Variants in MAP3K13 observed in about 807,000 individuals in gnomAD.
MAP3K13 encodes the protein leucine zipper-bearing kinase.
In MAP3K13, 52 loss-of-function variants were observed where a neutral mutation model predicts 104.0. The observed-to-expected ratio is 0.50, with a 90% CI of 0.40 to 0.63. The LOEUF is 0.63. Ranked by LOEUF, MAP3K13 falls within the 20% of genes least tolerant of loss-of-function variation. The pLI is 0.00. For synonymous variants in MAP3K13, 394 were observed against 442.2 expected (o/e 0.89, Z 1.37); for missense variants, 914 against 1,218.5 (o/e 0.75, Z 3.72).
intron 1 of MAP3K13, 77 bp downstream of exon 1, chr3:185,363,445 G>A (rs1192783264): frequency 2.6e-6 from 2 of 780,994 alleles, no homozygotes; most frequent in Non-Finnish European, 3.1e-6. Flanking sequence ...GTGATTTGAG[G>A]TGATTAGAAA....
At chr3:185,478,700 C>T (rs147386235) in intron 12 of MAP3K13, among the ~76,000 whole-genome samples, 134 of 151,872 alleles carry the variant, frequency 8.8e-4, no homozygotes, top group African/African-American at 3.1e-3. Context: ...GGCGAAACCC[C>T]GTCTCTACTA....
chr3:185,416,746 T>C (rs1275040599), intron 1 of MAP3K13, among the ~76,000 whole-genome samples: 1 of 151,850 alleles, frequency 6.6e-6, no homozygotes, highest in Non-Finnish European at 1.5e-5. Context: ...CTCAGCCTAG[T>C]AAGTAGTTGG....
chr3:185,353,891 C>G (rs1455449583), intron 2 of MAP3K13, among the ~76,000 whole-genome samples: 3 of 152,010 alleles, frequency 2.0e-5, no homozygotes, highest in African/African-American at 7.2e-5. Context: ...ATAACCACAC[C>G]CCGCCCCCGC....
At chr3:185,401,497 T>C (rs1229418573) in intron 1 of MAP3K13, among the ~76,000 whole-genome samples, 1 of 152,184 alleles carries the variant, frequency 6.6e-6, no homozygotes, top group Non-Finnish European at 1.5e-5. Flanking sequence ...GGGAGCTTCA[T>C]GGATCAGCCC....
intron 2 of MAP3K13, among the ~76,000 whole-genome samples, chr3:185,312,474 G>A (rs140799417): frequency 6.6e-6 from 1 of 152,318 alleles, no homozygotes; most frequent in Non-Finnish European, 1.5e-5. Context: ...TGTTTTGAGG[G>A]GCAGGAAGGA....
chr3:185,417,707 C>G (rs1713862775), intron 1 of MAP3K13: 6 of 1,612,710 alleles, frequency 3.7e-6, no homozygotes, highest in Non-Finnish European at 5.1e-6. Context: ...AGTGCTGCTG[C>G]TGCAGCAGCT....
Position 185,428,790 on chromosome 3 carries a change from C to G in MAP3K13, c.209C>G (p.Thr70Arg). ...VHSPVTTTVL[T>R]SVSEDSRDQF... ...AGCCCCGTCACCACAACAGTGTTGACGAGCGTAAGTGAGGATTCCAGGGAC... is the reference window on the plus strand; with the variant it reads ...AGCCCCGTCACCACAACAGTGTTGAGGAGCGTAAGTGAGGATTCCAGGGAC... Residue 70 changes from threonine to arginine, a missense_variant, in exon 2 of 14, where the codon ACG becomes AGG. Transcript: ENST00000265026. The G allele has an allele frequency of 6.2e-7, 1 of 1,614,092 alleles. No homozygotes were observed. The highest frequency in any genetic ancestry group is 2.2e-5 in the East Asian group (1 of 44,880).
At chr3:185,395,680 C>A (rs1712367134) in intron 1 of MAP3K13, among the ~76,000 whole-genome samples, 1 of 130,002 alleles carries the variant, frequency 7.7e-6, no homozygotes, top group Admixed American at 8.2e-5. Context: ...TCTAATTCAT[C>A]TTTTATTTTT....
intron 3 of MAP3K13, among the ~76,000 whole-genome samples, chr3:185,440,101 A>G (rs1715244552): frequency 6.6e-6 from 1 of 152,248 alleles, no homozygotes; most frequent in Non-Finnish European, 1.5e-5. Context: ...AAGGGGAAGT[A>G]CAAGATAAGA....
rs1210990615 is a variant in MAP3K13 at position 185,443,467 on chromosome 3, T to C, written c.682T>C (p.Cys228Arg). 14 of 1,613,570 alleles carry C rather than the reference T, an allele frequency of 8.7e-6. No individual in the cohort carries two copies. Among genetic ancestry groups the C allele is most frequent in the East Asian group, 2.2e-5 (1 of 44,876 alleles). Residue 228 changes from cysteine (C) to arginine (R), a missense_variant, in exon 4 of 14, where the codon TGT becomes CGT. By Grantham distance (180) the Cys-to-Arg change is radical. This residue lies in a region of MAP3K13 where 175 missense variants were observed against 321.3 expected (regional missense o/e 0.54). Transcript: ENST00000265026. Reference sequence around the variant, plus strand: ...AAGGGGTGTTTGTACTCAGGCCCCATGTTATTGTATTATCATGGAATACTG... The same window carrying C: ...AAGGGGTGTTTGTACTCAGGCCCCACGTTATTGTATTATCATGGAATACTG... ...AFKGVCTQAPCYCIIMEYCAH... is the reference protein window; with the variant it reads ...AFKGVCTQAPRYCIIMEYCAH...
intron 1 of MAP3K13, among the ~76,000 whole-genome samples, chr3:185,404,521 C>T (rs1412647253): frequency 2.0e-5 from 3 of 152,134 alleles, no homozygotes; most frequent in Admixed American, 6.5e-5. Flanking sequence ...GGCAATCAGA[C>T]CAGCTTCATG....
chr3:185,463,406 C>G, intron 7 of MAP3K13, 144 bp from the exon 8 acceptor site: 1 of 547,452 alleles, frequency 1.8e-6, no homozygotes, highest in Non-Finnish European at 3.4e-6. Flanking sequence ...TGCTATTAAT[C>G]AAATCATATT....
intron 7 of MAP3K13, among the ~76,000 whole-genome samples, chr3:185,456,246 C>T (rs1716737169): frequency 6.6e-6 from 1 of 152,060 alleles, no homozygotes; most frequent in Non-Finnish European, 1.5e-5. Flanking sequence ...ACTTAGATCT[C>T]CCCACAACTG....
At position 185,473,041 on chromosome 3, in the gene MAP3K13, C is replaced by T. The variant is rs201479863; in HGVS notation, c.1710C>T (p.Ser570=). The change falls in exon 11 of 14, where the codon TCC becomes TCT. Residue 570 remains serine, a synonymous_variant. Transcript: ENST00000265026. This position sits in a 1 kb window ranked among gnomAD's most constrained non-coding sequence, Gnocchi z 4.9. ...TGGCTCCCACTGCATCCCCTTTGTC[C>T]GGAAGTCCCAAAATGTCCACTTCTA... The part of the protein sequence containing the change: ...TEVAPTASPL[S]GSPKMSTSSS... 38 of 1,614,152 alleles carry T rather than the reference C, an allele frequency of 2.4e-5. No homozygotes were observed. The highest frequency in any genetic ancestry group is 6.7e-5 in the East Asian group (3 of 44,882).
At chr3:185,291,938 A>G (rs547655458) in intron 2 of MAP3K13, 13 of 1,130,794 alleles carry the variant, frequency 1.1e-5, no homozygotes, top group Middle Eastern at 3.7e-4. Flanking sequence ...TTCTGTGGCC[A>G]TAAGTTTTCA....
intron 2 of MAP3K13, among the ~76,000 whole-genome samples, chr3:185,326,392 C>T (rs1401787979): frequency 1.3e-5 from 2 of 152,130 alleles, no homozygotes; most frequent in Non-Finnish European, 2.9e-5. Flanking sequence ...TCCAGGGCAC[C>T]TCTGCCCTGG....
chr3:185,389,079 TAAAA>T (rs1711880900), intron 1 of MAP3K13, among the ~76,000 whole-genome samples: 1 of 152,066 alleles, frequency 6.6e-6, no homozygotes, highest in Non-Finnish European at 1.5e-5. Context: ...TTAAACAAAA[TAAAA>T]GTTGCTCTAA....
Position 185,446,258 on chromosome 3 carries a change from AT to A in MAP3K13, c.852-1516del, listed in dbSNP as rs72309263. 7.6e-3 allele frequency among the ~76,000 whole-genome samples: 1,074 copies of A among 140,778 alleles called. 3 individuals carry two copies. Among genetic ancestry groups the A allele is most frequent in the African/African-American group, 0.015 (589 of 38,626 alleles). The allele number at this position is 140,778 out of a possible 152,430, so 92.4% of individuals were successfully genotyped here. A position where few individuals can be genotyped will look rare whatever the true frequency, so the allele number is the denominator to read the frequency against. On this transcript the variant is annotated intron_variant, in intron 4 of 13. Coordinates refer to ENST00000265026, the MANE Select transcript of MAP3K13 (RefSeq NM_004721.5). The stretch of plus-strand genomic sequence containing the variant: ...CTATTTGAGGATGAAGCCTCTTATC[AT>A]TTTTTTTTTTTTTTGAGATGGGGTC...
intron 1 of MAP3K13, among the ~76,000 whole-genome samples, chr3:185,390,017 T>C (rs1448692456): frequency 6.6e-6 from 1 of 152,176 alleles, no homozygotes; most frequent in Non-Finnish European, 1.5e-5. Context: ...TCTGTTGTGA[T>C]ATCAAATGGT....
Sources: allele counts gnomAD v4.1 joint callset (sites outside exome capture counted in the v4.1 genomes callset), GRCh38; gene constraint gnomAD v4.1.1; regional missense constraint gnomAD v4.1.1; non-coding constraint Gnocchi (gnomAD v3.1); transcripts MANE v1.5; gene names NCBI Gene and HGNC (gene_info 2026-07-23, HGNC 2026-07-21).